NID2: variants seen among roughly 807,000 people sequenced by gnomAD.
NID2 encodes nidogen 2, also known as nidogen-2.
NID2 carries 83 observed loss-of-function variants against 145.4 expected under a neutral mutation model. The observed-to-expected ratio is 0.57, with a 90% confidence interval of 0.48 to 0.69. The LOEUF (loss-of-function observed/expected upper bound fraction) is 0.69, where lower values mean the gene tolerates loss of function less well. Ranked by LOEUF, NID2 falls within the 30% of genes least tolerant of loss-of-function variation. The pLI is 0.00. For synonymous variants in NID2, 739 were observed against 701.3 expected (o/e 1.05, Z -0.85); for missense variants, 1,807 against 1,765.7 (o/e 1.02, Z -0.42).
Position 52,029,702 on chromosome 14 carries a change from G to C in NID2, c.2258-12C>G. On this transcript the variant is annotated splice_polypyrimidine_tract_variant and intron_variant, in intron 9 of 21. Coordinates refer to ENST00000216286, the MANE Select transcript of NID2 (RefSeq NM_007361.4). ...GGGGTCTGAATCCTCTGCATGAGTAGAGGGGAAATAAAAGCACAATCTGGC... is the reference window on the plus strand; with the variant it reads ...GGGGTCTGAATCCTCTGCATGAGTACAGGGGAAATAAAAGCACAATCTGGC... The C allele has an allele frequency of 1.2e-6, 2 of 1,610,546 alleles. No homozygotes were observed. The highest frequency in any genetic ancestry group is 1.7e-6 in the Non-Finnish European group (2 of 1,177,118).
chr14:52,063,542 T>G (rs1336241878), intron 2 of NID2, among the ~76,000 whole-genome samples: 1 of 152,256 alleles, frequency 6.6e-6, no homozygotes, highest in African/African-American at 2.4e-5. Flanking sequence ...TTCAATTCAT[T>G]TAATTAACTG....
chr14:52,061,864 A>T (rs570396837), intron 2 of NID2, among the ~76,000 whole-genome samples: 101 of 152,246 alleles, frequency 6.6e-4, no homozygotes, highest in Non-Finnish European at 1.3e-3. Context: ...CTCTCTCACT[A>T]AATCACACTA....
chr14:52,063,140 C>T (rs899362055), intron 2 of NID2, among the ~76,000 whole-genome samples: 4 of 152,184 alleles, frequency 2.6e-5, no homozygotes, highest in African/African-American at 9.7e-5. Context: ...GAAGGGCTCC[C>T]CCTCTCAAAA....
At chr14:52,020,297 G>T (rs1891356571) in intron 12 of NID2, 119 bp from the exon 13 acceptor site, 1 of 1,494,796 alleles carries the variant, frequency 6.7e-7, no homozygotes, top group Non-Finnish European at 8.9e-7. Context: ...GTCAGCTTCA[G>T]AAGACCTTTG....
intron 2 of NID2, among the ~76,000 whole-genome samples, chr14:52,062,308 C>T (rs2140433741): frequency 6.6e-6 from 1 of 152,250 alleles, no homozygotes; most frequent in African/African-American, 2.4e-5. Context: ...GTAACAGGTG[C>T]CTAGTTTATT....
chr14:52,012,896 AGCCTCCTGGGGCTTGGCTTCACTTAC>A (rs969932557), intron 16 of NID2, among the ~76,000 whole-genome samples: 12 of 152,248 alleles, frequency 7.9e-5, no homozygotes, highest in African/African-American at 2.9e-4. Flanking sequence ...CTTGCCTAAC[AGCCTCCTGGGGCTTGGCTTCACTTAC>A]GCCCCCTGGG....
rs576233045 is a variant in NID2 at position 52,015,697 on chromosome 14, G to A, written c.3029-422C>T. On this transcript the variant is annotated intron_variant, in intron 14 of 21. Coordinates refer to ENST00000216286, the MANE Select transcript of NID2 (RefSeq NM_007361.4). ...GGTGATCCTTGGGGACTCAGTAGCC[G>A]AGGTGATGCTTAAAGCCAATTTGTA... Among the ~76,000 whole-genome samples the A allele has an allele frequency of 7.2e-5, 11 of 152,300 alleles. No individual in the cohort carries two copies. In the South Asian group the frequency reaches 1.5e-3, roughly 20 times the overall value.
chr14:52,062,184 T>C (rs145597975), intron 2 of NID2, among the ~76,000 whole-genome samples: 243 of 152,372 alleles, frequency 1.6e-3, no homozygotes, highest in African/African-American at 5.5e-3. Context: ...TAAAGAAATA[T>C]AGATGTAACA....
rs778269654 is a variant in NID2 at position 52,040,800 on chromosome 14, G to C, written c.1877C>G (p.Thr626Arg). Residue 626 changes from threonine to arginine, a missense_variant, in exon 8 of 22, where the codon ACG becomes AGG. By Grantham distance (71) the Thr-to-Arg change is moderately conservative. Transcript: ENST00000216286. Reference protein sequence around the residue: ...MEVTFYPGEETVRITQTAEGL... With the variant: ...MEVTFYPGEERVRITQTAEGL... ...CTCAGCAGTTTGAGTGATACGAACC[G>C]TCTCCTCTCCCGGGTAGAATGTAAC... is the stretch of plus-strand genomic sequence containing the variant. 5.6e-6 allele frequency: 9 copies of C among 1,614,008 alleles called. No homozygotes were observed. The East Asian group carries it at 1.3e-4, about 24-fold the overall frequency.
At chr14:52,060,438 A>C in intron 2 of NID2, 82 bp from the exon 3 acceptor site, 2 of 755,064 alleles carry the variant, frequency 2.6e-6, no homozygotes, top group Non-Finnish European at 2.0e-6. Context: ...AAGAAACAGA[A>C]TGCAAGCAAA....
At chr14:52,037,310 ATACTT>A (rs1418223353) in intron 9 of NID2, among the ~76,000 whole-genome samples, 1 of 151,994 alleles carries the variant, frequency 6.6e-6, no homozygotes, top group Non-Finnish European at 1.5e-5. Flanking sequence ...TATTATTATT[ATACTT>A]TAAGTTTTAG....
Position 52,053,824 on chromosome 14 carries a change from G to A in NID2, c.1184C>T (p.Ala395Val), listed in dbSNP as rs757857228. 1 of 1,614,162 alleles carries A rather than the reference G, an allele frequency of 6.2e-7. No individual in the cohort carries two copies. The highest frequency in any genetic ancestry group is 8.5e-7 in the Non-Finnish European group (1 of 1,180,012). Residue 395 changes from alanine to valine, a missense_variant, in exon 5 of 22, where the codon GCT (alanine) becomes GTT (valine). Transcript: ENST00000216286. ...TGAATCTCTGTCTACCTCTGGTGGA[G>A]CTGGGCTTCTGGTCTCTCTCTCATC... ...PWDERETRSP[A>V]PPEVDRDSLA...
At chr14:52,068,513 C>G (rs980845276) in intron 1 of NID2, among the ~76,000 whole-genome samples, 12 of 152,228 alleles carry the variant, frequency 7.9e-5, no homozygotes, top group African/African-American at 2.7e-4. Flanking sequence ...GCTGGCCGCC[C>G]TAGCAACGCC....
At chr14:52,057,540 G>A (rs1036217561) in intron 3 of NID2, among the ~76,000 whole-genome samples, 4 of 151,374 alleles carry the variant, frequency 2.6e-5, no homozygotes, top group East Asian at 2.0e-4. Flanking sequence ...CAGTCTCTAC[G>A]AAAAATACAA....
chr14:52,040,985 A>T (rs1892261076), intron 7 of NID2, 134 bp from the exon 8 acceptor site: 4 of 737,884 alleles, frequency 5.4e-6, no homozygotes, highest in Non-Finnish European at 9.3e-6. Flanking sequence ...ATCTGAGAGT[A>T]AGCACTATCA....
chr14:52,054,604 A>T (rs1497084), intron 3 of NID2, among the ~76,000 whole-genome samples: 99,438 of 152,072 alleles, frequency 0.65, 33,556 homozygotes, highest in Non-Finnish European at 0.76. Context: ...GCTACTCAGT[A>T]GGCTGAGGCA....
At chr14:52,039,025 T>C in intron 8 of NID2, 48 bp from the exon 9 acceptor site, 1 of 1,336,384 alleles carries the variant, frequency 7.5e-7, no homozygotes, top group Non-Finnish European at 1.0e-6. Flanking sequence ...AATACAGAGA[T>C]TTTCATGTGA....
chr14:52,044,454 TAG>T (rs1239125603), intron 5 of NID2, among the ~76,000 whole-genome samples: 3 of 151,958 alleles, frequency 2.0e-5, no homozygotes, highest in African/African-American at 7.3e-5. Context: ...TATTTTTTAG[TAG>T]AGACAGGGTT....
rs1382089290 is a variant in NID2 at position 52,020,103 on chromosome 14, C to T, written c.2750G>A (p.Arg917His). Residue 917 changes from arginine (R) to histidine (H), a missense_variant, in exon 13 of 22, where the codon CGT becomes CAT. By Grantham distance (29) the Arg-to-His change is conservative. Coordinates refer to ENST00000216286, the MANE Select transcript of NID2 (RefSeq NM_007361.4). ...CYNTPGSFSC[R>H]CQPGYYGDGF... ...ATCCCCATAATATCCGGGTTGACAA[C>T]GGCAGGAGAAGGAACCAGGAGTATT... The T allele has an allele frequency of 2.3e-5, 37 of 1,613,936 alleles. No individual in the cohort carries two copies. The highest frequency in any genetic ancestry group is 4.0e-5 in the African/African-American group (3 of 74,914).
Sources: allele counts gnomAD v4.1 joint callset (sites outside exome capture counted in the v4.1 genomes callset), GRCh38; gene constraint gnomAD v4.1.1; transcripts MANE v1.5; gene names NCBI Gene and HGNC (gene_info 2026-07-23, HGNC 2026-07-21).